FANCI: variants seen among roughly 807,000 people sequenced by gnomAD.
FANCI encodes Fanconi anemia group I protein.
A neutral mutation model predicts 176.1 loss-of-function variants in FANCI; 156 were observed. The ratio of observed to expected loss-of-function variants is 0.89; its 90% CI spans 0.78 to 1.01. FANCI has a LOEUF of 1.01. Ranked by LOEUF, FANCI falls within the 50% of genes least tolerant of loss-of-function variation. FANCI has a pLI of 0.00. For synonymous variants in FANCI, 613 were observed against 541.7 expected, an observed-to-expected ratio of 1.13 and a Z score of -1.83; for missense variants, 1,678 against 1,534.1, an observed-to-expected ratio of 1.09 and a Z score of -1.57.
chr15:89,286,726 A>G (rs1177255032), intron 18 of FANCI, among the ~76,000 whole-genome samples: 1 of 152,150 alleles, frequency 6.6e-6, no homozygotes, highest in Non-Finnish European at 1.5e-5. Context: ...GTAAATGAGC[A>G]TTGATTTCAA....
At chr15:89,308,769 A>AC (rs1184618248) in intron 34 of FANCI, among the ~76,000 whole-genome samples, 2 of 152,068 alleles carry the variant, frequency 1.3e-5, no homozygotes, top group Admixed American at 1.3e-4. Context: ...ACATGGTGAA[A>AC]CCCCATCTCT....
chr15:89,300,102 C>A, intron 25 of FANCI, 136 bp downstream of exon 25: 1 of 1,096,744 alleles, frequency 9.1e-7, no homozygotes, highest in Non-Finnish European at 1.4e-6. Flanking sequence ...CTAGTGGATT[C>A]AGGATTGGTA....
intron 19 of FANCI, among the ~76,000 whole-genome samples, chr15:89,291,132 AT>A (rs907308305): frequency 4.0e-5 from 6 of 151,838 alleles, no homozygotes; most frequent in South Asian, 4.1e-4. Context: ...AATAACTCAT[AT>A]TTTTTTTGGC....
chr15:89,288,392 G>T (rs1386493058), intron 18 of FANCI, among the ~76,000 whole-genome samples: 1 of 151,996 alleles, frequency 6.6e-6, no homozygotes, highest in Non-Finnish European at 1.5e-5. Context: ...AACATGAAGT[G>T]GATCATAGAC....
chr15:89,245,286 A>T (rs2051904540), intron 1 of FANCI: 1 of 143,426 alleles, frequency 7.0e-6, no homozygotes, highest in Non-Finnish European at 1.5e-5. Context: ...CTCCTGCCTC[A>T]GCCTCACAAG....
At chr15:89,290,736 G>C (rs1003878594) in intron 19 of FANCI, 1 of 176,854 alleles carries the variant, frequency 5.7e-6, no homozygotes, top group Non-Finnish European at 1.2e-5. Context: ...TAATCTTCAA[G>C]ACTAGAAGAA....
chr15:89,255,656 A>G (rs2052461017), intron 2 of FANCI, among the ~76,000 whole-genome samples: 1 of 152,220 alleles, frequency 6.6e-6, no homozygotes, highest in Non-Finnish European at 1.5e-5. Flanking sequence ...GGAATGTTCT[A>G]TTTTTTAAAA....
rs762350003 is a variant in FANCI at position 89,260,694 on chromosome 15, C to G, written c.158-19C>G. The G allele has an allele frequency of 2.2e-5, 35 of 1,612,734 alleles. No individual in the cohort carries two copies. Among genetic ancestry groups the G allele is most frequent in the Non-Finnish European group, 3.0e-5 (35 of 1,179,268 alleles). ...ATGTTGTAAGACTTGTTTCTGAACC[C>G]CCTGTTTAAAACAATAAGGTTCCCC... On this transcript the variant is annotated intron_variant, in intron 3 of 37. Transcript: ENST00000310775.
intron 9 of FANCI, among the ~76,000 whole-genome samples, chr15:89,267,180 C>T (rs2052998238): frequency 1.3e-5 from 2 of 151,968 alleles, no homozygotes; most frequent in South Asian, 4.1e-4. Flanking sequence ...AATAGCCAGG[C>T]GCAGTGGCTC....
intron 2 of FANCI, among the ~76,000 whole-genome samples, chr15:89,255,892 A>G (rs2052472817): frequency 6.6e-6 from 1 of 152,212 alleles, no homozygotes; most frequent in South Asian, 2.1e-4. Flanking sequence ...AAGAAAATTA[A>G]CATTCGTTGA....
chr15:89,316,403 G>T lies in FANCI; in HGVS notation c.3931G>T (p.Ala1311Ser), dbSNP rs754573704. ...DGEDENEEGT[A>S]SEHGGQNKEP... ...TAATTCTTTCCCCTTCTAGGGCACT[G>T]CATCAGAGCATGGGGGACAGAACAA... is the stretch of plus-strand genomic sequence containing the variant. The change falls in exon 38 of 38, where the codon GCA becomes TCA. Residue 1311 changes from alanine (A) to serine (S), a missense_variant. Coordinates refer to ENST00000310775, the MANE Select transcript of FANCI (RefSeq NM_001113378.2). 24 of 1,611,566 alleles carry T rather than the reference G, an allele frequency of 1.5e-5. No homozygotes were observed. The highest frequency in any genetic ancestry group is 1.6e-4 in the Middle Eastern group (1 of 6,084).
At chr15:89,270,240 T>C (rs1023583202) in intron 10 of FANCI, among the ~76,000 whole-genome samples, 16 of 152,230 alleles carry the variant, frequency 1.1e-4, no homozygotes, top group African/African-American at 3.9e-4. Context: ...ACCACTGTTC[T>C]GTGCATTACA....
rs549962840 is a variant in FANCI at position 89,266,328 on chromosome 15, A to ATTT, written c.755+1737_755+1739dup. 1.0e-2 allele frequency among the ~76,000 whole-genome samples: 1,295 copies of ATTT among 130,064 alleles called. 21 individuals carry two copies. The highest frequency in any genetic ancestry group is 0.035 in the African/African-American group (1,220 of 34,710). 85.3% of individuals were successfully genotyped at this position (130,064 alleles called of 152,430 possible). On this transcript the variant is annotated intron_variant, in intron 9 of 37. Transcript: ENST00000310775. ...AGGCACCCACCACTATGCCTGGCTAATTTTTTTTTTTTTTTTTTGAGAGGA... is the reference window on the plus strand; with the variant it reads ...AGGCACCCACCACTATGCCTGGCTAATTTTTTTTTTTTTTTTTTTTTGAGAGGA...
intron 3 of FANCI, 68 bp downstream of exon 3, chr15:89,258,844 C>T: frequency 8.1e-7 from 1 of 1,241,388 alleles, no homozygotes; most frequent in Non-Finnish European, 1.2e-6. Context: ...AGTTTTCGTA[C>T]TTTTCTTACG....
intron 35 of FANCI, among the ~76,000 whole-genome samples, chr15:89,314,344 A>G (rs1372305816): frequency 6.6e-6 from 1 of 152,256 alleles, no homozygotes; most frequent in African/African-American, 2.4e-5. Flanking sequence ...AATTTCTACA[A>G]GTGATCCTGC....
At chr15:89,252,251 G>C (rs372014278) in intron 2 of FANCI, among the ~76,000 whole-genome samples, 1 of 150,306 alleles carries the variant, frequency 6.7e-6, no homozygotes, top group Non-Finnish European at 1.5e-5. Context: ...AGTGAGCCCA[G>C]ATTGCACCAT....
chr15:89,265,995 T>C (rs965904511), intron 9 of FANCI, among the ~76,000 whole-genome samples: 10 of 139,988 alleles, frequency 7.1e-5, no homozygotes, highest in South Asian at 2.4e-4. Context: ...TGGTTTCTTA[T>C]TTCTTTTTTT....
chr15:89,288,938 G>A (rs1175995965), intron 18 of FANCI, among the ~76,000 whole-genome samples: 1 of 151,660 alleles, frequency 6.6e-6, no homozygotes, highest in Non-Finnish European at 1.5e-5. Context: ...ACCGTGCCCG[G>A]CCCATCTTTA....
chr15:89,316,909 C>A lies in FANCI; in HGVS notation c.*450C>A. 1 of 993,988 alleles carries A rather than the reference C, an allele frequency of 1.0e-6. No individual in the cohort carries two copies. Among genetic ancestry groups the A allele is most frequent in the East Asian group, 2.4e-5 (1 of 42,142 alleles). The allele number at this position is 993,988 out of a possible 1,614,324, so 61.6% of individuals were successfully genotyped here. On this transcript the variant is annotated 3_prime_UTR_variant, in exon 38 of 38. Transcript: ENST00000310775. ...CAGAAGTGAGCAAAGGAGCTTAATGCTAAGGTCAAAAGGAGAGTGAAAGGT... is the reference window on the plus strand; with the variant it reads ...CAGAAGTGAGCAAAGGAGCTTAATGATAAGGTCAAAAGGAGAGTGAAAGGT...
Sources: gnomAD v4.1 joint callset for allele counts (sites outside exome capture counted in the v4.1 genomes callset) on GRCh38, gnomAD v4.1.1 for gene constraint, MANE v1.5 for transcripts, NCBI Gene and HGNC (gene_info 2026-07-23, HGNC 2026-07-21) for gene names.